GRIP1: variants seen among roughly 807,000 people sequenced by gnomAD.
GRIP1 encodes the protein glutamate receptor interacting protein 1, also known as glutamate receptor-interacting protein 1.
A neutral mutation model predicts 129.9 loss-of-function variants in GRIP1; 45 were observed. That is an observed-to-expected ratio of 0.35 (90% CI 0.27 to 0.44). GRIP1 has a LOEUF of 0.44. GRIP1 is among the 20% of genes least tolerant of loss of function. The probability of loss-of-function intolerance (pLI) is 1.00; values close to 1 mark genes in which losing one functional copy is unlikely to be tolerated. For missense variants in GRIP1, 1,196 were observed against 1,396.8 expected, an observed-to-expected ratio of 0.86 and a Z score of 2.29; for synonymous variants, 530 against 520.8, an observed-to-expected ratio of 1.02 and a Z score of -0.24.
chr12:66,410,079 T>G (rs1044768661), intron 15 of GRIP1, among the ~76,000 whole-genome samples: 2 of 147,540 alleles, frequency 1.4e-5, no homozygotes, highest in African/African-American at 5.0e-5. Flanking sequence ...TGAAACCCCG[T>G]CTCTACTAAA....
In GRIP1 at chr12:66,701,436, T is replaced by TA. The variant is rs374551542; in HGVS notation, c.-419-71101dup. On this transcript the variant is annotated intron_variant, in intron 1 of 4. Transcript: ENST00000538373. ...ATAAATAATGTAACTGGAAATACAG[T>TA]AAAAAAAAGTAAATCCTCTCCAAGA... Among the ~76,000 whole-genome samples, 555 of 152,094 alleles carry TA rather than the reference T, an allele frequency of 3.6e-3. 3 individuals are homozygous for TA. The highest frequency in any genetic ancestry group is 0.012 in the African/African-American group (501 of 41,490).
At chr12:66,656,096 C>G (rs1310688456) in intron 1 of GRIP1, among the ~76,000 whole-genome samples, 1 of 152,124 alleles carries the variant, frequency 6.6e-6, no homozygotes, top group African/African-American at 2.4e-5. Context: ...ATCCAATAGA[C>G]TCTGAGGTTT....
intron 1 of GRIP1, among the ~76,000 whole-genome samples, chr12:66,955,464 TATAAAC>T (rs2041824860): frequency 6.6e-6 from 1 of 151,640 alleles, no homozygotes; most frequent in Admixed American, 6.6e-5. Flanking sequence ...AACTGAAACT[TATAAAC>T]AAAATATATA....
chr12:67,010,477 T>A (rs1426189370), intron 1 of GRIP1, among the ~76,000 whole-genome samples: 1 of 152,176 alleles, frequency 6.6e-6, no homozygotes, highest in African/African-American at 2.4e-5. Flanking sequence ...TTCTATTACG[T>A]ACAACTATGA....
intron 5 of GRIP1, among the ~76,000 whole-genome samples, chr12:66,518,477 T>G (rs543311275): frequency 6.6e-6 from 1 of 152,244 alleles, no homozygotes; most frequent in African/African-American, 2.4e-5. Context: ...GTTCAAAAAT[T>G]TGGGGCAAAA....
chr12:66,626,770 A>G (rs1335468079), intron 1 of GRIP1: 1 of 152,936 alleles, frequency 6.5e-6, no homozygotes, highest in African/African-American at 2.4e-5. Context: ...CGAGCATAGA[A>G]TCCTGATGAG....
At chr12:66,938,785 C>T (rs970275608) in intron 1 of GRIP1, among the ~76,000 whole-genome samples, 40 of 151,978 alleles carry the variant, frequency 2.6e-4, no homozygotes, top group African/African-American at 9.4e-4. Context: ...GGTGAAACCC[C>T]ATCTCCACTA....
At chr12:67,015,589 G>A (rs2042774009) in intron 1 of GRIP1, among the ~76,000 whole-genome samples, 1 of 152,174 alleles carries the variant, frequency 6.6e-6, no homozygotes, top group Non-Finnish European at 1.5e-5. Flanking sequence ...CATCTGAAAT[G>A]GAGAGAGTGA....
intron 1 of GRIP1, among the ~76,000 whole-genome samples, chr12:66,633,213 G>A (rs561613674): frequency 1.4e-5 from 2 of 146,120 alleles, no homozygotes; most frequent in Non-Finnish European, 3.0e-5. Flanking sequence ...ATATATGTGT[G>A]TGTATATATA....
In GRIP1 at chr12:66,473,644, A is replaced by C. The variant is rs927707322; in HGVS notation, c.725-8222T>G. Among the ~76,000 whole-genome samples, 4 of 152,336 alleles carry C rather than the reference A, an allele frequency of 2.6e-5. No homozygotes were observed. In the East Asian group the frequency reaches 7.7e-4, roughly 29 times the overall value. Reference sequence around the variant, plus strand: ...GCTTCCAAAGGAAGGAACAGGCAGCAATCTTTGCTGTCCCACAGCTTCCAC... The same window carrying C: ...GCTTCCAAAGGAAGGAACAGGCAGCCATCTTTGCTGTCCCACAGCTTCCAC... On this transcript the variant is annotated intron_variant, in intron 7 of 24. Coordinates refer to ENST00000359742, the MANE Select transcript of GRIP1 (RefSeq NM_001366722.1).
intron 1 of GRIP1, among the ~76,000 whole-genome samples, chr12:66,821,056 C>T (rs1235008116): frequency 6.6e-6 from 1 of 152,016 alleles, no homozygotes; most frequent in Non-Finnish European, 1.5e-5. Context: ...ACAACTGTAC[C>T]ACTTTGGTGG....
chr12:66,969,371 A>C (rs1035120001), intron 1 of GRIP1, among the ~76,000 whole-genome samples: 3 of 152,000 alleles, frequency 2.0e-5, no homozygotes, highest in African/African-American at 7.3e-5. Context: ...ACCTTTTGAA[A>C]TTGTGCCAAA....
At chr12:66,407,972 A>G (rs1011456686) in intron 15 of GRIP1, among the ~76,000 whole-genome samples, 13 of 152,188 alleles carry the variant, frequency 8.5e-5, no homozygotes, top group Non-Finnish European at 1.8e-4. Context: ...AGGGGAGAGT[A>G]AAGAAGACTT....
chr12:66,377,694 TAGAA>T (rs1480631117), intron 20 of GRIP1, among the ~76,000 whole-genome samples: 1 of 145,620 alleles, frequency 6.9e-6, no homozygotes, highest in Non-Finnish European at 1.5e-5. Flanking sequence ...ACACGAAATA[TAGAA>T]AGAGAGTCAT....
rs142065953 is a variant in GRIP1, at chr12:66,378,443, C to A, written c.2621+837G>T. On this transcript the variant is annotated intron_variant, in intron 20 of 24. Transcript: ENST00000359742. Reference sequence around the variant, plus strand: ...CTCCAGCCTGGGTGACAGAGTGAGACCTTGTCTCAAAAATAAAAAATAGGC... The same window carrying A: ...CTCCAGCCTGGGTGACAGAGTGAGAACTTGTCTCAAAAATAAAAAATAGGC... 5.2e-3 allele frequency among the ~76,000 whole-genome samples: 788 copies of A among 150,160 alleles called. 11 individuals carry two copies. The highest frequency in any genetic ancestry group is 0.018 in the African/African-American group (741 of 40,766).
intron 1 of GRIP1, among the ~76,000 whole-genome samples, chr12:66,694,066 A>T (rs1052772680): frequency 1.3e-5 from 2 of 152,176 alleles, no homozygotes; most frequent in African/African-American, 4.8e-5. Context: ...CAGAAACAGC[A>T]TCTCTTCCTC....
intron 1 of GRIP1, among the ~76,000 whole-genome samples, chr12:66,862,248 T>C (rs1290099082): frequency 2.0e-5 from 3 of 152,018 alleles, no homozygotes; most frequent in Non-Finnish European, 4.4e-5. Context: ...AAAGTATGAA[T>C]AAAATATGGA....
At chr12:66,514,944 C>A (rs2060800651) in intron 7 of GRIP1, among the ~76,000 whole-genome samples, 3 of 152,032 alleles carry the variant, frequency 2.0e-5, no homozygotes, top group Admixed American at 2.0e-4. Context: ...CCAATTCATT[C>A]TCTTATAATT....
chr12:66,552,465 C>T (rs2062174195), intron 2 of GRIP1, among the ~76,000 whole-genome samples: 1 of 152,120 alleles, frequency 6.6e-6, no homozygotes. Flanking sequence ...TTCAGAAAAA[C>T]TCTGTAAAGA....
Sources: gnomAD v4.1 joint callset for allele counts (sites outside exome capture counted in the v4.1 genomes callset) on GRCh38, gnomAD v4.1.1 for gene constraint, MANE v1.5 for transcripts, NCBI Gene and HGNC (gene_info 2026-07-23, HGNC 2026-07-21) for gene names.